PXMP2: variants seen among roughly 807,000 people sequenced by gnomAD.
PXMP2 encodes 22 kDa peroxisomal membrane protein.
A neutral mutation model predicts 20.2 loss-of-function variants in PXMP2; 13 were observed. That is an observed-to-expected ratio of 0.64 (90% CI 0.42 to 1.02). PXMP2 has a LOEUF of 1.02. Among genes scored for constraint, PXMP2 ranks in the 50% least tolerant of loss-of-function variants. The pLI, the probability that PXMP2 is intolerant of heterozygous loss-of-function variation, is 0.00. For synonymous variants in PXMP2, 113 were observed against 111.2 expected, an observed-to-expected ratio of 1.02 and a Z score of -0.10; for missense variants, 284 against 251.8, an observed-to-expected ratio of 1.13 and a Z score of -0.87.
In PXMP2 at chr12:132,696,202, T is replaced by C. The variant is rs1294689309; in HGVS notation, c.399+156T>C. ...AATATAGGAAGCAAACATCTAGTATTGGCAGGACCTGTTTGTACCCAGTAG... is the reference window on the plus strand; with the variant it reads ...AATATAGGAAGCAAACATCTAGTATCGGCAGGACCTGTTTGTACCCAGTAG... On this transcript the variant is annotated intron_variant, in intron 3 of 4. Coordinates refer to ENST00000317479, the MANE Select transcript of PXMP2 (RefSeq NM_018663.3). This position sits in a 1 kb window ranked among gnomAD's most constrained non-coding sequence, Gnocchi z 4.4. Among the ~76,000 whole-genome samples the C allele has an allele frequency of 6.6e-6, 1 of 152,122 alleles. No homozygotes were observed. The highest frequency in any genetic ancestry group is 2.4e-5 in the African/African-American group (1 of 41,418).
intron 1 of PXMP2, chr12:132,688,014 G>A: frequency 3.3e-6 from 1 of 299,880 alleles, no homozygotes; most frequent in Non-Finnish European, 5.3e-6. Flanking sequence ...CTCCCAGCGC[G>A]TGGAGGGCCC....
intron 2 of PXMP2, among the ~76,000 whole-genome samples, chr12:132,692,982 G>T (rs1179707781): frequency 7.1e-5 from 5 of 70,656 alleles, no homozygotes; most frequent in African/African-American, 1.8e-4. Context: ...GCCAGTTAGT[G>T]AGCTCCCTTG....
intron 3 of PXMP2, among the ~76,000 whole-genome samples, chr12:132,699,785 G>T (rs1229368791): frequency 6.6e-6 from 1 of 152,064 alleles, no homozygotes; most frequent in Non-Finnish European, 1.5e-5. Context: ...GGGACGTTTA[G>T]GTTGATTCCA....
intron 2 of PXMP2, among the ~76,000 whole-genome samples, chr12:132,694,622 C>A (rs570551021): frequency 9.2e-6 from 1 of 108,270 alleles, no homozygotes; most frequent in Admixed American, 9.2e-5. Context: ...GCTCCCTTAG[C>A]TAGTTAGAGA....
chr12:132,697,293 AAAAT>A (rs139853460), intron 3 of PXMP2, among the ~76,000 whole-genome samples: 213 of 151,098 alleles, frequency 1.4e-3, no homozygotes, highest in Non-Finnish European at 2.0e-3. Flanking sequence ...TCAAAAGACA[AAAAT>A]AAATAAATAA....
chr12:132,701,452 C>G (rs368113925), intron 4 of PXMP2, 83 bp downstream of exon 4: 3 of 1,502,828 alleles, frequency 2.0e-6, no homozygotes, highest in East Asian at 2.3e-5. Context: ...TCCTCCCCCC[C>G]TCCCTCCCCT....
At chr12:132,691,084 C>G (rs984067517) in intron 2 of PXMP2, among the ~76,000 whole-genome samples, 1 of 146,734 alleles carries the variant, frequency 6.8e-6, no homozygotes, top group African/African-American at 2.5e-5. Context: ...CGGAATCTCA[C>G]TCTGCTGCCC....
intron 4 of PXMP2, among the ~76,000 whole-genome samples, chr12:132,703,610 G>A (rs2043454717): frequency 6.6e-6 from 1 of 152,176 alleles, no homozygotes; most frequent in Non-Finnish European, 1.5e-5. Context: ...GCCAGGGGCT[G>A]GGACTGAGGG....
chr12:132,701,527 ACTC>A (rs2043441921), intron 4 of PXMP2, 158 bp downstream of exon 4: 1 of 998,592 alleles, frequency 1.0e-6, no homozygotes, highest in African/African-American at 1.8e-5. Flanking sequence ...CCGTGTCTAG[ACTC>A]CTCAACTACC....
At chr12:132,690,708 G>A (rs915873944) in intron 2 of PXMP2, among the ~76,000 whole-genome samples, 1 of 152,036 alleles carries the variant, frequency 6.6e-6, no homozygotes, top group Non-Finnish European at 1.5e-5. Context: ...GCCATGCCCA[G>A]CTAATTTTTG....
At position 132,696,669 on chromosome 12, in the gene PXMP2, A is replaced by G. The variant is rs7135610; in HGVS notation, c.399+623A>G. Among the ~76,000 whole-genome samples the G allele has an allele frequency of 0.5, 75,477 of 151,926 alleles. 19,419 individuals carry two copies. The highest frequency in any genetic ancestry group is 0.57 in the Non-Finnish European group (38,582 of 67,958). ...AAAAAATTTAGCTGGGCACAGTGGC[A>G]GTCGCCTGTAGTCCCAGCTACTTGG... On this transcript the variant is annotated intron_variant, in intron 3 of 4. Coordinates refer to ENST00000317479, the MANE Select transcript of PXMP2 (RefSeq NM_018663.3). The surrounding 1 kb of genome is among the most constrained non-coding windows in gnomAD (Gnocchi z 4.4).
chr12:132,695,849 A>T, intron 2 of PXMP2, 35 bp from the exon 3 acceptor site: 1 of 1,574,166 alleles, frequency 6.4e-7, no homozygotes, highest in Non-Finnish European at 8.6e-7. Flanking sequence ...CATCCAGAGA[A>T]CCACAATCTG....
At position 132,690,310 on chromosome 12, in the gene PXMP2, A is replaced by G. The variant is rs2043358769; in HGVS notation, c.170A>G (p.Lys57Arg). 1 of 1,614,080 alleles carries G rather than the reference A, an allele frequency of 6.2e-7. No individual in the cohort carries two copies. The highest frequency in any genetic ancestry group is 1.1e-5 in the South Asian group (1 of 91,066). The change falls in exon 2 of 5, where the codon AAG becomes AGG. Residue 57 changes from lysine to arginine, a missense_variant. Lys to Arg is a conservative substitution (Grantham distance 26). Transcript: ENST00000317479. ...LGNFLAQMIE[K>R]KRKKENSRSL... Reference sequence around the variant, plus strand: ...AACTTCCTGGCCCAGATGATTGAGAAGAAGCGGAAAAAAGAAAACTCTAGA... The same window carrying G: ...AACTTCCTGGCCCAGATGATTGAGAGGAAGCGGAAAAAAGAAAACTCTAGA...
At chr12:132,701,629 C>T (rs1175512595) in intron 4 of PXMP2, 1 of 473,636 alleles carries the variant, frequency 2.1e-6, no homozygotes, top group East Asian at 4.5e-5. Flanking sequence ...GTCTTTGCCT[C>T]TTCTGTTCGT....
In PXMP2 at chr12:132,700,041, C is replaced by CTTTTTTTTTTTTTTTTTTTTTTTAT. The variant is rs201949583; in HGVS notation, c.400-1209_400-1208insTTTTTTTTTTTTTTTTTTTTTTTAT. 1.4e-5 allele frequency among the ~76,000 whole-genome samples: 2 copies of CTTTTTTTTTTTTTTTTTTTTTTTAT among 140,238 alleles called. 1 individual carries two copies. Among genetic ancestry groups the CTTTTTTTTTTTTTTTTTTTTTTTAT allele is most frequent in the Non-Finnish European group, 3.2e-5 (2 of 63,172 alleles). 92.0% of individuals were successfully genotyped at this position (140,238 alleles called of 152,430 possible). On this transcript the variant is annotated intron_variant, in intron 3 of 4. Transcript: ENST00000317479. ...CTTGCCAGCATCTATTGTTTTTTGA[C>CTTTTTTTTTTTTTTTTTTTTTTTAT]CTTTTTTTTTTTTTTTTTGAGGCAG... is the stretch of plus-strand genomic sequence containing the variant.
intron 3 of PXMP2, among the ~76,000 whole-genome samples, chr12:132,700,111 G>T (rs1481031310): frequency 1.3e-5 from 2 of 149,594 alleles, no homozygotes; most frequent in Admixed American, 6.7e-5. Context: ...GCACGATCTC[G>T]GCTCACCGCA....
chr12:132,695,418 T>C (rs2043404766), intron 2 of PXMP2, among the ~76,000 whole-genome samples: 1 of 152,240 alleles, frequency 6.6e-6, no homozygotes. Flanking sequence ...TGATTCATTA[T>C]TGAGTGCTTC....
At chr12:132,693,056 G>A (rs868057362) in intron 2 of PXMP2, among the ~76,000 whole-genome samples, 1 of 39,932 alleles carries the variant, frequency 2.5e-5, no homozygotes, top group Non-Finnish European at 5.6e-5. Flanking sequence ...GATAGTGAGC[G>A]CCCTTAGCCA....
chr12:132,693,276 TTAAG>T lies in PXMP2; in HGVS notation c.237-2606_237-2603del, dbSNP rs528651461. Among the ~76,000 whole-genome samples the T allele has an allele frequency of 3.0e-4, 19 of 62,798 alleles. 2 individuals are homozygous for T. The South Asian group carries it at 6.0e-3, about 20-fold the overall frequency. The allele number at this position is 62,798 out of a possible 152,430, so 41.2% of individuals were successfully genotyped here. A position where few individuals can be genotyped will look rare whatever the true frequency, so the allele number is the denominator to read the frequency against. On this transcript the variant is annotated intron_variant, in intron 2 of 4. Coordinates refer to ENST00000317479, the MANE Select transcript of PXMP2 (RefSeq NM_018663.3). ...GTTAGTGAGTGCCCTTGCCAGTTAG[TTAAG>T]TGAGCGCCCTTAGCCAGTTAGATAG...
Sources: gnomAD v4.1 joint callset for allele counts (sites outside exome capture counted in the v4.1 genomes callset) on GRCh38, gnomAD v4.1.1 for gene constraint, Gnocchi (gnomAD v3.1) non-coding constraint, MANE v1.5 for transcripts, NCBI Gene and HGNC (gene_info 2026-07-23, HGNC 2026-07-21) for gene names.